The following SYTL2 variants were observed in gnomAD, a reference collection of about 807,000 sequenced individuals.
The protein encoded by SYTL2 is synaptotagmin like 2, also known as synaptotagmin-like protein 2.
In SYTL2, 165 loss-of-function variants were observed where a neutral mutation model predicts 198.7. That is an observed-to-expected ratio of 0.83 (90% confidence interval 0.73 to 0.94). The LOEUF (loss-of-function observed/expected upper bound fraction) is 0.94. Ranked by LOEUF, SYTL2 falls within the 40% of genes least tolerant of loss-of-function variation. The pLI is 0.00. For synonymous variants in SYTL2, 966 were observed against 917.7 expected (o/e 1.05, Z -0.95); for missense variants, 2,835 against 2,582.8 (o/e 1.10, Z -2.12).
intron 1 of SYTL2, among the ~76,000 whole-genome samples, chr11:85,803,315 A>T (rs1266200415): frequency 6.6e-6 from 1 of 152,202 alleles, no homozygotes; most frequent in East Asian, 1.9e-4. Flanking sequence ...CTTCATTTCT[A>T]CTCAAGTTCT....
chr11:85,839,259 T>C, the SYTL2 span, among the ~76,000 whole-genome samples: 3 of 152,216 alleles, frequency 2.0e-5, no homozygotes, highest in Non-Finnish European at 4.4e-5. Flanking sequence ...TGTTTTGCTA[T>C]CAAATAGCAA....
chr11:85,759,178 G>A (rs796388028), intron 1 of SYTL2, among the ~76,000 whole-genome samples: 13 of 151,348 alleles, frequency 8.6e-5, no homozygotes, highest in Admixed American at 1.3e-4. Context: ...CCCGGGAGGC[G>A]GAGGTTGCAG....
At chr11:85,770,458 C>T (rs2092332145) in intron 1 of SYTL2, among the ~76,000 whole-genome samples, 1 of 152,178 alleles carries the variant, frequency 6.6e-6, no homozygotes, top group African/African-American at 2.4e-5. Context: ...TCTCATCATG[C>T]CATGCCTTGA....
At chr11:85,766,771 C>T (rs1228091964) in intron 1 of SYTL2, among the ~76,000 whole-genome samples, 1 of 152,206 alleles carries the variant, frequency 6.6e-6, no homozygotes, top group African/African-American at 2.4e-5. Context: ...TCTCACAGAG[C>T]AGAAAGGCAG....
intron 1 of SYTL2, among the ~76,000 whole-genome samples, chr11:85,778,838 G>A (rs968168226): frequency 1.3e-5 from 2 of 152,236 alleles, no homozygotes; most frequent in South Asian, 2.1e-4. Context: ...TTAGCTAGGT[G>A]TAGTGGTGCA....
the SYTL2 span, among the ~76,000 whole-genome samples, chr11:85,845,106 T>C: frequency 2.0e-5 from 3 of 152,256 alleles, no homozygotes; most frequent in African/African-American, 4.8e-5. Context: ...CAAGTTTTAA[T>C]TTAGATCTCA....
Position 85,736,569 on chromosome 11 carries a change from G to A in SYTL2, c.518C>T (p.Ser173Leu), listed in dbSNP as rs749910032. ...CTGTTCATTTTTAGTTTGTTGTGAT[G>A]AGTGACCTTCTGGCAACTTGGAGCT... ...FNSSKLPEGH[S>L]SQQTKNEQSK... is the part of the protein sequence containing the mutation. Residue 173 changes from serine to leucine, a missense_variant, in exon 6 of 20, where the codon TCA becomes TTA. Coordinates refer to ENST00000359152, the MANE Select transcript of SYTL2 (RefSeq NM_206927.4). 12 of 1,606,586 alleles carry A rather than the reference G, an allele frequency of 7.5e-6. No individual in the cohort carries two copies. In the African/African-American group the frequency reaches 1.3e-4, roughly 18 times the overall value.
intron 1 of SYTL2, among the ~76,000 whole-genome samples, chr11:85,769,778 G>C (rs1271909068): frequency 1.3e-5 from 2 of 152,190 alleles, no homozygotes; most frequent in African/African-American, 4.8e-5. Context: ...AGGGAAGAGA[G>C]TCCAGTAGCG....
At chr11:85,787,028 A>G (rs1377118831) in intron 1 of SYTL2, among the ~76,000 whole-genome samples, 1 of 152,154 alleles carries the variant, frequency 6.6e-6, no homozygotes, top group Non-Finnish European at 1.5e-5. Context: ...GAAAATTCAC[A>G]ATGTTTTTGC....
intron 11 of SYTL2, among the ~76,000 whole-genome samples, chr11:85,715,444 T>C (rs944804261): frequency 2.0e-5 from 3 of 152,132 alleles, no homozygotes; most frequent in Non-Finnish European, 4.4e-5. Context: ...TTAAATTATA[T>C]TGTGAATGAA....
At chr11:85,845,563 G>C in the SYTL2 span, among the ~76,000 whole-genome samples, 1,410 of 152,086 alleles carry the variant, frequency 9.3e-3, 15 homozygotes, top group African/African-American at 0.031. Flanking sequence ...AGGAGTTCAA[G>C]GTGAGCCTGG....
rs2083395114 is a variant in SYTL2 at position 85,696,298 on chromosome 11, C to T, written c.6459G>A (p.Val2153=). The T allele has an allele frequency of 1.9e-6, 3 of 1,613,966 alleles. No homozygotes were observed. Among genetic ancestry groups the T allele is most frequent in the Admixed American group, 1.7e-5 (1 of 60,000 alleles). ...TTNPIFNHTM[V]YDGFRPEDLM... Reference sequence around the variant, plus strand: ...GATCTTCAGGCCTGAACCCATCATACACCATAGTGTGGTTGAAGATAGGGT... The same window carrying T: ...GATCTTCAGGCCTGAACCCATCATATACCATAGTGTGGTTGAAGATAGGGT... Residue 2153 remains valine, a synonymous_variant, in exon 19 of 20, where the codon GTG becomes GTA. Coordinates refer to ENST00000359152, the MANE Select transcript of SYTL2 (RefSeq NM_206927.4).
the SYTL2 span, among the ~76,000 whole-genome samples, chr11:85,835,217 G>A: frequency 1.3e-5 from 2 of 151,976 alleles, no homozygotes; most frequent in Non-Finnish European, 2.9e-5. Flanking sequence ...GATTCCATTT[G>A]GAAATTCCAG....
chr11:85,819,242 T>C, the SYTL2 span, among the ~76,000 whole-genome samples: 1 of 152,248 alleles, frequency 6.6e-6, no homozygotes, highest in Admixed American at 6.5e-5. Context: ...ACCCTCTGCA[T>C]CTTTAAAAGA....
intron 4 of SYTL2, among the ~76,000 whole-genome samples, chr11:85,739,467 A>AG (rs1344688856): frequency 1.3e-5 from 2 of 152,068 alleles, no homozygotes; most frequent in African/African-American, 2.4e-5. Flanking sequence ...AACTGGGATG[A>AG]GGGGGGATAC....
intron 1 of SYTL2, among the ~76,000 whole-genome samples, chr11:85,801,141 T>C (rs1295405771): frequency 6.6e-6 from 1 of 152,146 alleles, no homozygotes; most frequent in Non-Finnish European, 1.5e-5. Flanking sequence ...CTCCTCCCTC[T>C]AAGAAACTCA....
intron 1 of SYTL2, among the ~76,000 whole-genome samples, chr11:85,786,686 AC>A (rs1448694522): frequency 6.6e-6 from 1 of 152,010 alleles, no homozygotes; most frequent in Non-Finnish European, 1.5e-5. Context: ...AAACTTAACC[AC>A]CTCCACAGAG....
chr11:85,780,693 A>G (rs2092544845), intron 1 of SYTL2, among the ~76,000 whole-genome samples: 2 of 152,212 alleles, frequency 1.3e-5, no homozygotes, highest in South Asian at 4.1e-4. Context: ...AATATCCTTT[A>G]TAATAAACTG....
At chr11:85,828,240 T>C in the SYTL2 span, among the ~76,000 whole-genome samples, 5 of 152,148 alleles carry the variant, frequency 3.3e-5, no homozygotes, top group African/African-American at 1.2e-4. Flanking sequence ...TAAATAAATA[T>C]GAATTAATGT....
Sources: gnomAD v4.1 joint callset for allele counts (sites outside exome capture counted in the v4.1 genomes callset) on GRCh38, gnomAD v4.1.1 for gene constraint, MANE v1.5 for transcripts, NCBI Gene and HGNC (gene_info 2026-07-23, HGNC 2026-07-21) for gene names.